ROR1: variants seen among roughly 807,000 people sequenced by gnomAD.
ROR1 encodes inactive tyrosine-protein kinase transmembrane receptor ROR1.
ROR1 carries 19 observed loss-of-function variants against 78.8 expected under a neutral mutation model. The observed-to-expected ratio is 0.24, with a 90% CI of 0.17 to 0.35. ROR1 has a LOEUF of 0.35. Ranked by LOEUF, ROR1 falls within the 10% of genes least tolerant of loss-of-function variation. ROR1 has a pLI of 1.00. For synonymous variants in ROR1, 386 were observed against 433.6 expected (o/e 0.89, Z 1.36); for missense variants, 917 against 1,177.8 (o/e 0.78, Z 3.24).
chr1:63,871,456 C>T lies in ROR1; in HGVS notation c.91+96948C>T, dbSNP rs540755430. ...TGATTGGTTGCTATGAGAGATCGTT[C>T]CCCTGTGGAGCATCAGAAGTTGATG... On this transcript the variant is annotated intron_variant, in intron 1 of 8. Transcript: ENST00000371079. Among the ~76,000 whole-genome samples, 176 of 152,232 alleles carry T rather than the reference C, an allele frequency of 1.2e-3. 1 individual carries two copies. In the Middle Eastern group the frequency reaches 0.014, roughly 12 times the overall value.
intron 4 of ROR1, among the ~76,000 whole-genome samples, chr1:64,086,059 G>A (rs556320099): frequency 6.6e-6 from 1 of 152,270 alleles, no homozygotes; most frequent in Admixed American, 6.5e-5. Context: ...TCTTAAAATT[G>A]CTCCTTTCCA....
chr1:63,924,335 C>T (rs74079507), intron 1 of ROR1, among the ~76,000 whole-genome samples: 3,570 of 152,168 alleles, frequency 0.023, 149 homozygotes, highest in African/African-American at 0.082. Flanking sequence ...ATAAGAGGCA[C>T]TCAGCAAATA....
At chr1:64,032,531 A>G (rs1646669865) in intron 2 of ROR1, among the ~76,000 whole-genome samples, 1 of 152,160 alleles carries the variant, frequency 6.6e-6, no homozygotes, top group Admixed American at 6.5e-5. Context: ...GACATGACCC[A>G]AAGAAAAGAA....
intron 1 of ROR1, among the ~76,000 whole-genome samples, chr1:63,792,512 A>T (rs1455805770): frequency 6.6e-6 from 1 of 152,172 alleles, no homozygotes; most frequent in Non-Finnish European, 1.5e-5. Context: ...AAAGAAAAAA[A>T]ATCTCAGTTT....
chr1:63,816,655 TTGTC>T (rs1384376137), intron 1 of ROR1, among the ~76,000 whole-genome samples: 1 of 152,214 alleles, frequency 6.6e-6, no homozygotes, highest in African/African-American at 2.4e-5. Flanking sequence ...CTCGGTTTCT[TTGTC>T]TGCAGTATAT....
chr1:63,990,948 A>G lies in ROR1; in HGVS notation c.92-18357A>G, dbSNP rs550305080. Among the ~76,000 whole-genome samples the G allele has an allele frequency of 3.3e-5, 5 of 152,278 alleles. No individual in the cohort carries two copies. In the East Asian group the frequency reaches 7.7e-4, roughly 24 times the overall value. ...AAATGAAAAACTCTGTCTTTTAAAA[A>G]TTGTTTATTTATTAGACTGGAGTGC... On this transcript the variant is annotated intron_variant, in intron 1 of 8. Coordinates refer to ENST00000371079, the MANE Select transcript of ROR1 (RefSeq NM_005012.4).
chr1:63,980,928 C>T (rs1416162273), intron 1 of ROR1, among the ~76,000 whole-genome samples: 5 of 152,206 alleles, frequency 3.3e-5, no homozygotes, highest in South Asian at 4.1e-4. Flanking sequence ...ACAGCACAGA[C>T]GGAAAAGCTC....
At chr1:64,051,286 TA>T (rs1336845067) in intron 4 of ROR1, among the ~76,000 whole-genome samples, 2 of 151,416 alleles carry the variant, frequency 1.3e-5, no homozygotes. Flanking sequence ...CCGTCTCTAC[TA>T]AAAATACAAA....
intron 4 of ROR1, among the ~76,000 whole-genome samples, chr1:64,121,226 C>G (rs997435520): frequency 5.0e-5 from 6 of 120,038 alleles, no homozygotes; most frequent in Non-Finnish European, 8.9e-5. Context: ...TGCTTTCCTC[C>G]TTTCCTCCTT....
chr1:63,962,923 G>C (rs1443347357), intron 1 of ROR1, among the ~76,000 whole-genome samples: 1 of 152,144 alleles, frequency 6.6e-6, no homozygotes, highest in Non-Finnish European at 1.5e-5. Flanking sequence ...CAGGCAAGAT[G>C]GTTCTCAAGA....
intron 2 of ROR1, among the ~76,000 whole-genome samples, chr1:64,022,254 A>C (rs1646571023): frequency 6.6e-6 from 1 of 152,200 alleles, no homozygotes; most frequent in African/African-American, 2.4e-5. Context: ...AGAAGGGAGC[A>C]ATTGCTTTAT....
chr1:64,143,082 T>G, intron 7 of ROR1: 1 of 1,025,022 alleles, frequency 9.8e-7, no homozygotes, highest in Non-Finnish European at 1.2e-6. Context: ...CAACCATTAC[T>G]CGGTCATCCA....
intron 8 of ROR1, among the ~76,000 whole-genome samples, chr1:64,166,087 T>C (rs1475497604): frequency 1.3e-5 from 2 of 152,214 alleles, no homozygotes; most frequent in East Asian, 3.8e-4. Context: ...TGCATATAGC[T>C]AGCCAGTTAT....
At chr1:63,992,835 G>C (rs1646306842) in intron 1 of ROR1, among the ~76,000 whole-genome samples, 1 of 152,138 alleles carries the variant, frequency 6.6e-6, no homozygotes, top group African/African-American at 2.4e-5. Context: ...AATGAGTGTA[G>C]ACTTTGCTGA....
intron 1 of ROR1, among the ~76,000 whole-genome samples, chr1:63,958,558 T>C (rs1462386722): frequency 6.6e-6 from 1 of 152,188 alleles, no homozygotes. Context: ...TCAAATTACG[T>C]GGTTGATCAG....
chr1:63,934,737 T>A (rs895330164), intron 1 of ROR1, among the ~76,000 whole-genome samples: 1 of 152,148 alleles, frequency 6.6e-6, no homozygotes, highest in Non-Finnish European at 1.5e-5. Flanking sequence ...TTTTGAGATA[T>A]CAGGGTCTTG....
At chr1:63,948,654 A>C (rs1050278619) in intron 1 of ROR1, among the ~76,000 whole-genome samples, 3 of 152,180 alleles carry the variant, frequency 2.0e-5, no homozygotes, top group Admixed American at 6.5e-5. Flanking sequence ...TTGAAACCCT[A>C]ACCCCCAATA....
At chr1:63,823,114 C>T (rs1006963767) in intron 1 of ROR1, among the ~76,000 whole-genome samples, 4 of 151,832 alleles carry the variant, frequency 2.6e-5, no homozygotes, top group African/African-American at 9.6e-5. Flanking sequence ...TGTTAAAAAT[C>T]TTTTAAAATA....
rs1386709974 is a variant in ROR1 at position 64,158,917 on chromosome 1, A to G, written c.1175-64A>G. On this transcript the variant is annotated intron_variant, in intron 7 of 8. Transcript: ENST00000371079. ...GAGGTGGTTCATTTTAAACTATGCA[A>G]TGTAATATTATGCATGTTACTTTAA... is the stretch of plus-strand genomic sequence containing the variant. The G allele has an allele frequency of 3.3e-6, 4 of 1,219,072 alleles. No individual in the cohort carries two copies. The Admixed American group carries it at 7.0e-5, about 21-fold the overall frequency. The allele number at this position is 1,219,072 out of a possible 1,614,324, so 75.5% of individuals were successfully genotyped here. A position where few individuals can be genotyped will look rare whatever the true frequency, so the allele number is the denominator to read the frequency against.
Sources: gnomAD v4.1 joint callset for allele counts (sites outside exome capture counted in the v4.1 genomes callset) on GRCh38, gnomAD v4.1.1 for gene constraint, MANE v1.5 for transcripts, NCBI Gene and HGNC (gene_info 2026-07-23, HGNC 2026-07-21) for gene names.